The following HNF4G variants were observed in gnomAD, a reference collection of about 807,000 sequenced individuals.
HNF4G encodes the protein hepatocyte nuclear factor 4 gamma.
HNF4G carries 21 observed loss-of-function variants against 50.9 expected under a neutral mutation model. That is an observed-to-expected ratio of 0.41 (90% CI 0.29 to 0.59). The LOEUF (loss-of-function observed/expected upper bound fraction) is 0.59, where lower values mean the gene tolerates loss of function less well. Ranked by LOEUF, HNF4G falls within the 20% of genes least tolerant of loss-of-function variation. HNF4G has a pLI of 0.26. For synonymous variants in HNF4G, 198 were observed against 185.6 expected, an observed-to-expected ratio of 1.07 and a Z score of -0.54; for missense variants, 527 against 559.4, an observed-to-expected ratio of 0.94 and a Z score of 0.58.
At chr8:75,465,237 T>C (rs975334346) in intron 1 of HNF4G, among the ~76,000 whole-genome samples, 1 of 152,206 alleles carries the variant, frequency 6.6e-6, no homozygotes, top group Non-Finnish European at 1.5e-5. Context: ...TAAGATAATA[T>C]ACATAACTAG....
intron 1 of HNF4G, among the ~76,000 whole-genome samples, chr8:75,487,027 C>T (rs1812514615): frequency 7.0e-6 from 1 of 142,238 alleles, no homozygotes; most frequent in Non-Finnish European, 1.5e-5. Context: ...TAAGAAAAAA[C>T]TAGGTAATGT....
upstream of HNF4G, among the ~76,000 whole-genome samples, chr8:75,537,656 A>G (rs2130778047): frequency 6.6e-6 from 1 of 152,282 alleles, no homozygotes; most frequent in Middle Eastern, 3.4e-3. Context: ...AAATTCTAGA[A>G]GGGTTCTAGA....
At chr8:75,433,460 C>T (rs73343004) in intron 1 of HNF4G, among the ~76,000 whole-genome samples, 6,190 of 150,588 alleles carry the variant, frequency 0.041, 335 homozygotes, top group African/African-American at 0.12. Flanking sequence ...ATTTTAATTG[C>T]TGTTTTAGGC....
intron 2 of HNF4G, among the ~76,000 whole-genome samples, chr8:75,511,825 GCC>G (rs1273001038): frequency 2.0e-5 from 3 of 152,106 alleles, no homozygotes; most frequent in African/African-American, 7.2e-5. Flanking sequence ...TGATCCACCC[GCC>G]TCGGCCTCCC....
intron 1 of HNF4G, among the ~76,000 whole-genome samples, chr8:75,417,695 G>A (rs1810674612): frequency 6.6e-6 from 1 of 152,092 alleles, no homozygotes; most frequent in Non-Finnish European, 1.5e-5. Context: ...AATTCAATTT[G>A]AGCATCTATT....
intron 2 of HNF4G, among the ~76,000 whole-genome samples, chr8:75,508,663 T>C (rs1344206671): frequency 1.3e-5 from 2 of 152,174 alleles, no homozygotes; most frequent in Non-Finnish European, 2.9e-5. Flanking sequence ...AATTGATCTT[T>C]ACATTAGGGG....
intron 8 of HNF4G, 152 bp downstream of exon 8, chr8:75,559,189 A>C: frequency 4.8e-6 from 3 of 630,676 alleles, no homozygotes; most frequent in Non-Finnish European, 8.4e-6. Context: ...TAATGAACTC[A>C]AGGTTTTACA....
chr8:75,517,587 G>A (rs1805926277), intron 2 of HNF4G, among the ~76,000 whole-genome samples: 1 of 152,188 alleles, frequency 6.6e-6, no homozygotes, highest in Non-Finnish European at 1.5e-5. Context: ...GCTCCAAAGT[G>A]ATCCCCTTTG....
intron 1 of HNF4G, among the ~76,000 whole-genome samples, chr8:75,413,684 C>T (rs1368949333): frequency 6.6e-6 from 1 of 151,594 alleles, no homozygotes; most frequent in African/African-American, 2.4e-5. Context: ...GCTTGGTCAA[C>T]ATGATGAAAC....
At chr8:75,515,308 T>A (rs1393798934) in intron 2 of HNF4G, among the ~76,000 whole-genome samples, 1 of 152,216 alleles carries the variant, frequency 6.6e-6, no homozygotes, top group Non-Finnish European at 1.5e-5. Flanking sequence ...AATCTGAGAT[T>A]TTAGTTTATT....
At chr8:75,466,581 C>CTTCCTTCT (rs1811980734) in intron 1 of HNF4G, among the ~76,000 whole-genome samples, 3 of 89,550 alleles carry the variant, frequency 3.4e-5, no homozygotes, top group African/African-American at 1.3e-4. Flanking sequence ...TCCTTCCTTC[C>CTTCCTTCT]TTCCTTCCTT....
chr8:75,495,274 T>C (rs1812739300), intron 2 of HNF4G: 1 of 152,204 alleles, frequency 6.6e-6, no homozygotes, highest in Non-Finnish European at 1.5e-5. Flanking sequence ...GTAATATCTC[T>C]GAAGTTTCCA....
chr8:75,480,390 A>G (rs983781964), intron 1 of HNF4G, among the ~76,000 whole-genome samples: 2 of 152,216 alleles, frequency 1.3e-5, no homozygotes, highest in African/African-American at 2.4e-5. Flanking sequence ...CTGATAAGCT[A>G]CTACAGGTCT....
chr8:75,502,557 G>A (rs898095760), intron 2 of HNF4G, among the ~76,000 whole-genome samples: 10 of 152,088 alleles, frequency 6.6e-5, no homozygotes, highest in African/African-American at 2.2e-4. Context: ...ATACTAAAAC[G>A]CCTCATCCTG....
rs529242285 is a variant in HNF4G at position 75,553,059 on chromosome 8, T to G, written c.507T>G (p.Pro169=). The change falls in exon 5 of 10, where the codon CCT becomes CCG. Residue 169 remains proline (P), a synonymous_variant. Transcript: ENST00000396423. The stretch of plus-strand genomic sequence containing the variant: ...AATACTAGATCTCAGTCTCAAGCCC[T>G]GGGTCAAGCACTGACATAAACGTTA... The part of the protein sequence containing the change: ...VRSRQISVSS[P]GSSTDINVKK... 5.6e-6 allele frequency: 9 copies of G among 1,611,262 alleles called. No individual in the cohort carries two copies. Among genetic ancestry groups the G allele is most frequent in the Middle Eastern group, 1.7e-4 (1 of 6,034 alleles).
upstream of HNF4G, among the ~76,000 whole-genome samples, chr8:75,536,378 T>A (rs1806465029): frequency 6.6e-6 from 1 of 152,010 alleles, no homozygotes; most frequent in Non-Finnish European, 1.5e-5. Flanking sequence ...AATGTAGGGT[T>A]TAATAACATA....
At chr8:75,454,066 T>C (rs1484629011) in intron 1 of HNF4G, among the ~76,000 whole-genome samples, 1 of 146,400 alleles carries the variant, frequency 6.8e-6, no homozygotes, top group Non-Finnish European at 1.5e-5. Context: ...TCCCTCCCTC[T>C]CTTCCTTTCT....
In HNF4G at chr8:75,564,081, A is replaced by C; in HGVS notation, c.1353A>C (p.Lys451Asn). The C allele has an allele frequency of 6.2e-7, 1 of 1,613,480 alleles. No homozygotes were observed. Among genetic ancestry groups the C allele is most frequent in the Non-Finnish European group, 8.5e-7 (1 of 1,179,576 alleles). ...TCATTTCACACCAGCATCTCTCCAA[A>C]CAAAAGCAATTGTGAAAATGTGTTT... Reference protein sequence around the residue: ...ASVISHQHLSKQKQL With the variant: ...ASVISHQHLSNQKQL Residue 451 changes from lysine (K) to asparagine (N), a missense_variant, in exon 10 of 10, where the codon AAA (lysine) becomes AAC (asparagine). Lys to Asn is a moderately conservative substitution (Grantham distance 94). This residue lies in a region of HNF4G where 308 missense variants were observed against 301.5 expected (regional missense o/e 1.02). Coordinates refer to ENST00000396423, the MANE Select transcript of HNF4G (RefSeq NM_004133.5).
intron 1 of HNF4G, among the ~76,000 whole-genome samples, chr8:75,455,772 G>A (rs890704237): frequency 5.3e-5 from 8 of 151,962 alleles, no homozygotes; most frequent in African/African-American, 1.2e-4. Context: ...TTAAATAACC[G>A]TAATGTACTG....
Sources: gnomAD v4.1 joint callset for allele counts (sites outside exome capture counted in the v4.1 genomes callset) on GRCh38, gnomAD v4.1.1 for gene constraint, gnomAD v4.1.1 regional missense constraint, MANE v1.5 for transcripts, NCBI Gene and HGNC (gene_info 2026-07-23, HGNC 2026-07-21) for gene names.